ZDHHC23: variants seen among roughly 807,000 people sequenced by gnomAD.
ZDHHC23 encodes zDHHC palmitoyltransferase 23.
ZDHHC23 carries 41 observed loss-of-function variants against 40.2 expected under a neutral mutation model. The ratio of observed to expected loss-of-function variants is 1.02; its 90% CI spans 0.79 to 1.32. The LOEUF is 1.32. Among genes scored for constraint, ZDHHC23 ranks in the 40% most tolerant of loss-of-function variants. The pLI, the probability that ZDHHC23 is intolerant of heterozygous loss-of-function variation, is 0.00. For synonymous variants in ZDHHC23, 204 were observed against 210.2 expected, an observed-to-expected ratio of 0.97 and a Z score of 0.26; for missense variants, 471 against 541.5, an observed-to-expected ratio of 0.87 and a Z score of 1.29.
the ZDHHC23 span, chr3:113,978,600 G>A: frequency 1.7e-6 from 1 of 579,136 alleles, no homozygotes; most frequent in South Asian, 2.5e-5. Context: ...AACAAGAAAT[G>A]ACTATAAAAA....
Position 113,960,421 on chromosome 3 carries a change from A to G in ZDHHC23, c.*1791A>G. On this transcript the variant is annotated 3_prime_UTR_variant, in exon 5 of 5. Transcript: ENST00000638807. Reference sequence around the variant, plus strand: ...GAATTAAAGTTGGATTTGATATAACAAATTTCTTTCTATACAGGTTTTACA... The same window carrying G: ...GAATTAAAGTTGGATTTGATATAACGAATTTCTTTCTATACAGGTTTTACA... The G allele has an allele frequency of 7.8e-7, 1 of 1,284,548 alleles. No individual in the cohort carries two copies. Among genetic ancestry groups the G allele is most frequent in the East Asian group, 3.9e-5 (1 of 25,402 alleles). 79.6% of individuals were successfully genotyped at this position (1,284,548 alleles called of 1,614,324 possible).
rs1360814548 is a variant in ZDHHC23 at position 113,960,703 on chromosome 3, C to G, written c.*2073C>G. 4 of 1,604,712 alleles carry G rather than the reference C, an allele frequency of 2.5e-6. No homozygotes were observed. In the East Asian group the frequency reaches 9.1e-5, roughly 36 times the overall value. Reference sequence around the variant, plus strand: ...TAGGAATGATGACAATTTTTTTTAACAACTTACCTCTAATAGGGTTACTTG... The same window carrying G: ...TAGGAATGATGACAATTTTTTTTAAGAACTTACCTCTAATAGGGTTACTTG... On this transcript the variant is annotated 3_prime_UTR_variant, in exon 5 of 5. Transcript: ENST00000638807.
chr3:113,975,446 C>A, the ZDHHC23 span, among the ~76,000 whole-genome samples: 1 of 152,100 alleles, frequency 6.6e-6, no homozygotes, highest in Admixed American at 6.6e-5. Context: ...AGACTGGTGA[C>A]CTTAAATATT....
At chr3:113,978,632 CTT>C in the ZDHHC23 span, 7 of 596,244 alleles carry the variant, frequency 1.2e-5, no homozygotes, top group Middle Eastern at 4.5e-4. Flanking sequence ...GGAATGATAA[CTT>C]ACAGTTTATA....
Position 113,961,761 on chromosome 3 carries a change from A to G in ZDHHC23, c.*3131A>G, listed in dbSNP as rs1939694374. Reference sequence around the variant, plus strand: ...CCTTGGTACTTCTAATATTTTTAGCAAGAGACAATTTTCTGTACTAGAATC... The same window carrying G: ...CCTTGGTACTTCTAATATTTTTAGCGAGAGACAATTTTCTGTACTAGAATC... On this transcript the variant is annotated 3_prime_UTR_variant, in exon 5 of 5. Coordinates refer to ENST00000638807, the MANE Select transcript of ZDHHC23 (RefSeq NM_001320466.2). 1 of 152,676 alleles carries G rather than the reference A, an allele frequency of 6.5e-6. No individual in the cohort carries two copies. The highest frequency in any genetic ancestry group is 2.4e-5 in the African/African-American group (1 of 41,460). The allele number at this position is 152,676 out of a possible 1,614,324, so 9.5% of individuals were successfully genotyped here.
At chr3:113,969,538 A>G (rs1020822238), downstream of ZDHHC23, among the ~76,000 whole-genome samples, 2 of 152,160 alleles carry the variant, frequency 1.3e-5, no homozygotes, top group Non-Finnish European at 2.9e-5. Flanking sequence ...TGGTGAGAGA[A>G]AGGGGTCTCA....
chr3:113,957,701 T>G (rs747226393), intron 4 of ZDHHC23: 3 of 515,972 alleles, frequency 5.8e-6, no homozygotes, highest in Admixed American at 2.0e-5. Context: ...TAACTAACTC[T>G]TAATTTGCGA....
chr3:113,975,828 A>AAGAG, the ZDHHC23 span, among the ~76,000 whole-genome samples: 1 of 152,222 alleles, frequency 6.6e-6, no homozygotes, highest in African/African-American at 2.4e-5. Context: ...GCAAAGTGGG[A>AAGAG]AGAGATGAAA....
At position 113,954,063 on chromosome 3, in the gene ZDHHC23, C is replaced by T. The variant is rs1334472093; in HGVS notation, c.525C>T (p.Thr175=). The change falls in exon 3 of 5, where the codon ACC becomes ACT. Residue 175 remains threonine, a synonymous_variant. Transcript: ENST00000638807. The part of the protein sequence containing the change: ...RVGPVQLAVL[T]CGLFLILLAL... The stretch of plus-strand genomic sequence containing the variant: ...GTCCCGTTCAGCTGGCGGTTCTTAC[C>T]TGCGGGTTATTTCTGATACTCTTAG... 6.2e-7 allele frequency: 1 copy of T among 1,614,134 alleles called. No individual in the cohort carries two copies. Among genetic ancestry groups the T allele is most frequent in the Non-Finnish European group, 8.5e-7 (1 of 1,180,020 alleles).
In ZDHHC23 at chr3:113,948,676, G is replaced by T; in HGVS notation, c.-117-10G>T. The T allele has an allele frequency of 2.7e-6, 3 of 1,125,656 alleles. No individual in the cohort carries two copies. Among genetic ancestry groups the T allele is most frequent in the East Asian group, 2.4e-5 (1 of 40,900 alleles). 69.7% of individuals were successfully genotyped at this position (1,125,656 alleles called of 1,614,324 possible). On this transcript the variant is annotated splice_polypyrimidine_tract_variant and intron_variant, in intron 1 of 4. Transcript: ENST00000638807. ...CCTCCCCCTCTCTCTTCTCATTTTTGATTGCTCAGGCGTTGGAGGTTAAGC... is the reference window on the plus strand; with the variant it reads ...CCTCCCCCTCTCTCTTCTCATTTTTTATTGCTCAGGCGTTGGAGGTTAAGC...
downstream of ZDHHC23, among the ~76,000 whole-genome samples, chr3:113,969,627 T>G (rs1940596888): frequency 6.6e-6 from 1 of 152,230 alleles, no homozygotes; most frequent in African/African-American, 2.4e-5. Context: ...TTTTATGTTC[T>G]TGGCACTTTT....
At chr3:113,978,808 T>C in the ZDHHC23 span, 13 of 1,568,176 alleles carry the variant, frequency 8.3e-6, no homozygotes, top group Non-Finnish European at 1.1e-5. Flanking sequence ...TTTTCTTAAA[T>C]AGAATTGAGC....
downstream of ZDHHC23, chr3:113,965,527 T>A (rs1314275021): frequency 2.5e-6 from 1 of 407,606 alleles, no homozygotes; most frequent in African/African-American, 2.1e-5. Context: ...GTGAAAAAAA[T>A]AAGGCAACAA....
At chr3:113,950,965 G>C (rs1441454587) in intron 2 of ZDHHC23, among the ~76,000 whole-genome samples, 1 of 152,210 alleles carries the variant, frequency 6.6e-6, no homozygotes, top group Non-Finnish European at 1.5e-5. Flanking sequence ...CCTTAATAAG[G>C]CTTGAGAATA....
the ZDHHC23 span, among the ~76,000 whole-genome samples, chr3:113,973,811 G>A: frequency 6.6e-6 from 1 of 151,850 alleles, no homozygotes; most frequent in African/African-American, 2.4e-5. Flanking sequence ...TTTCCTATAC[G>A]TGGATATGTC....
chr3:113,960,910 A>T lies in ZDHHC23; in HGVS notation c.*2280A>T, dbSNP rs1939638078. 1.0e-6 allele frequency: 1 copy of T among 953,998 alleles called. No homozygotes were observed. Among genetic ancestry groups the T allele is most frequent in the Non-Finnish European group, 1.5e-6 (1 of 683,618 alleles). The allele number at this position is 953,998 out of a possible 1,614,324, so 59.1% of individuals were successfully genotyped here. A position where few individuals can be genotyped will look rare whatever the true frequency, so the allele number is the denominator to read the frequency against. ...GGGAAAAGCCTTCCCAGGCGTCTGT[A>T]CCGAAAGGAGCAGCAAACAAGGGGC... On this transcript the variant is annotated 3_prime_UTR_variant, in exon 5 of 5. Transcript: ENST00000638807.
rs536591373 is a variant in ZDHHC23 at position 113,961,535 on chromosome 3, T to C, written c.*2905T>C. 9.7e-4 allele frequency: 148 copies of C among 152,810 alleles called. No individual in the cohort carries two copies. The highest frequency in any genetic ancestry group is 3.4e-3 in the African/African-American group (143 of 41,592). The allele number at this position is 152,810 out of a possible 1,614,324, so 9.5% of individuals were successfully genotyped here. A position where few individuals can be genotyped will look rare whatever the true frequency, so the allele number is the denominator to read the frequency against. On this transcript the variant is annotated 3_prime_UTR_variant, in exon 5 of 5. Coordinates refer to ENST00000638807, the MANE Select transcript of ZDHHC23 (RefSeq NM_001320466.2). ...ACAGCGCCTCTTTGATAGGTTACCC[T>C]GATGCTGCTAAAGTAAAGCCTTAAG...
chr3:113,948,658 C>T (rs377540697), intron 1 of ZDHHC23, 28 bp from the exon 2 acceptor site: 2 of 943,660 alleles, frequency 2.1e-6, no homozygotes, highest in East Asian at 2.6e-5. Context: ...CCCCCTCCCC[C>T]TCTCTCTTCT....
Position 113,960,840 on chromosome 3 carries a change from G to T in ZDHHC23, c.*2210G>T. The T allele has an allele frequency of 6.8e-7, 1 of 1,468,688 alleles. No homozygotes were observed. The allele number at this position is 1,468,688 out of a possible 1,614,324, so 91.0% of individuals were successfully genotyped here. A position where few individuals can be genotyped will look rare whatever the true frequency, so the allele number is the denominator to read the frequency against. ...GTTCCTTGAGAACCCATGATGGACA[G>T]TTGACAGAATGCTTAAACCTGTCAA... On this transcript the variant is annotated 3_prime_UTR_variant, in exon 5 of 5. Transcript: ENST00000638807.
Sources: allele counts gnomAD v4.1 joint callset (sites outside exome capture counted in the v4.1 genomes callset), GRCh38; gene constraint gnomAD v4.1.1; transcripts MANE v1.5; gene names NCBI Gene and HGNC (gene_info 2026-07-23, HGNC 2026-07-21).